The following VPS13A variants were observed in gnomAD, a reference collection of about 807,000 sequenced individuals.
VPS13A encodes vacuolar protein sorting 13 homolog A.
A neutral mutation model predicts 390.9 loss-of-function variants in VPS13A; 264 were observed. The ratio of observed to expected loss-of-function variants is 0.68; its 90% CI spans 0.61 to 0.75. The LOEUF (loss-of-function observed/expected upper bound fraction) is 0.75, where lower values mean the gene tolerates loss of function less well. Ranked by LOEUF, VPS13A falls within the 30% of genes least tolerant of loss-of-function variation. VPS13A has a pLI of 0.00. For synonymous variants in VPS13A, 1,231 were observed against 1,227.1 expected (o/e 1.00, Z -0.07); for missense variants, 3,409 against 3,733.9 (o/e 0.91, Z 2.27).
At chr9:77,257,715 A>G (rs1825526458) in intron 22 of VPS13A, among the ~76,000 whole-genome samples, 1 of 152,184 alleles carries the variant, frequency 6.6e-6, no homozygotes, top group Non-Finnish European at 1.5e-5. Context: ...ACGGTGGGTT[A>G]TGATTATGTC....
At chr9:77,316,842 C>T (rs1040050495) in intron 39 of VPS13A, among the ~76,000 whole-genome samples, 25 of 151,950 alleles carry the variant, frequency 1.6e-4, no homozygotes, top group Non-Finnish European at 2.5e-4. Context: ...TCATTTGAAC[C>T]TTCAGCCATT....
intron 31 of VPS13A, among the ~76,000 whole-genome samples, chr9:77,293,104 A>G (rs541914758): frequency 6.6e-6 from 1 of 152,198 alleles, no homozygotes; most frequent in Non-Finnish European, 1.5e-5. Context: ...CTGGAGCCAC[A>G]CCTACTACCT....
At position 77,353,506 on chromosome 9, in the gene VPS13A, G is replaced by A. The variant is rs1380192530; in HGVS notation, c.7517G>A (p.Arg2506Lys). The A allele has an allele frequency of 1.2e-6, 2 of 1,613,088 alleles. No individual in the cohort carries two copies. The highest frequency in any genetic ancestry group is 1.1e-5 in the South Asian group (1 of 91,046). Reference protein sequence around the residue: ...QRIILFTEDPRVFKVTYESEK... With the variant: ...QRIILFTEDPKVFKVTYESEK... ...ATTATTTTATTCACTGAAGATCCAA[G>A]GGTATTTAAAGTAACATATGAAAGT... is the stretch of plus-strand genomic sequence containing the variant. Residue 2506 changes from arginine to lysine, a missense_variant, in exon 54 of 72, where the codon AGG becomes AAG. Arg to Lys is a conservative substitution (Grantham distance 26). This residue lies in a region of VPS13A where 221 missense variants were observed against 300.7 expected (regional missense o/e 0.73). Transcript: ENST00000360280.
At chr9:77,344,542 G>C (rs1428814604) in intron 51 of VPS13A, among the ~76,000 whole-genome samples, 2 of 152,128 alleles carry the variant, frequency 1.3e-5, no homozygotes, top group Admixed American at 6.5e-5. Context: ...CGGATCAGGA[G>C]GTCAGGAGAT....
Position 77,220,298 on chromosome 9 carries a change from C to T in VPS13A, c.904C>T (p.Leu302Phe), listed in dbSNP as rs541051874. Residue 302 changes from leucine to phenylalanine, a missense_variant, in exon 12 of 72, where the codon CTT becomes TTT. Transcript: ENST00000360280. ...TTAGTATTTCAGTATTATGGAGCTT[C>T]TTGAATCAGTTGATATGATGGCACA... ...KPQYFSIMELLESVDMMAQNL... is the reference protein window; with the variant it reads ...KPQYFSIMELFESVDMMAQNL... 2.2e-5 allele frequency: 35 copies of T among 1,611,874 alleles called. 1 individual carries two copies. In the South Asian group the frequency reaches 2.5e-4, roughly 12 times the overall value.
At chr9:77,244,323 T>C (rs1027976989) in intron 19 of VPS13A, among the ~76,000 whole-genome samples, 1 of 149,284 alleles carries the variant, frequency 6.7e-6, no homozygotes, top group Non-Finnish European at 1.5e-5. Flanking sequence ...CTCTCTTCCC[T>C]GAGAATTGAA....
Position 77,321,303 on chromosome 9 carries a change from T to C in VPS13A, c.5550T>C (p.Leu1850=). The C allele has an allele frequency of 6.2e-7, 1 of 1,608,634 alleles. No homozygotes were observed. Among genetic ancestry groups the C allele is most frequent in the South Asian group, 1.1e-5 (1 of 90,540 alleles). The change falls in exon 43 of 72, where the codon CTT becomes CTC. Residue 1850 remains leucine (L), a synonymous_variant. Transcript: ENST00000360280. Reference sequence around the variant, plus strand: ...ACATTACATTATCCAAATGTGGTCTTGTAATGTTAAACAATTTAGTCAAGG... The same window carrying C: ...ACATTACATTATCCAAATGTGGTCTCGTAATGTTAAACAATTTAGTCAAGG... ...QLNITLSKCG[L]VMLNNLVKAF...
Position 77,368,117 on chromosome 9 carries a change from T to A in VPS13A, c.8534T>A (p.Ile2845Lys). Residue 2845 changes from isoleucine to lysine, a missense_variant, in exon 62 of 72, where the codon ATA becomes AAA. This residue lies in a region of VPS13A where 123 missense variants were observed against 118.7 expected (regional missense o/e 1.04). Coordinates refer to ENST00000360280, the MANE Select transcript of VPS13A (RefSeq NM_033305.3). ...HTTSDLQSEV[I>K]RHYSKQAIKQ... ...ACATCCGATCTACAGTCTGAAGTCA[T>A]AAGACACTATTCAAAACAGGTTTGT... 4.3e-6 allele frequency: 7 copies of A among 1,612,148 alleles called. No individual in the cohort carries two copies. The highest frequency in any genetic ancestry group is 5.9e-6 in the Non-Finnish European group (7 of 1,179,364).
In VPS13A at chr9:77,220,424, T is replaced by C. The variant is rs748425418; in HGVS notation, c.989+41T>C. 6 of 1,314,060 alleles carry C rather than the reference T, an allele frequency of 4.6e-6. No individual in the cohort carries two copies. The Admixed American group carries it at 1.1e-4, about 24-fold the overall frequency. 81.4% of individuals were successfully genotyped at this position (1,314,060 alleles called of 1,614,324 possible). On this transcript the variant is annotated intron_variant, in intron 12 of 71. Transcript: ENST00000360280. ...TTTTTTTTTTTTTAGATTTTAAAAA[T>C]ACAACATAAAAATAAATTTCTCGAC...
intron 19 of VPS13A, among the ~76,000 whole-genome samples, chr9:77,239,678 C>T (rs989266796): frequency 1.3e-5 from 2 of 151,644 alleles, no homozygotes; most frequent in African/African-American, 4.8e-5. Context: ...ATTTATGGTC[C>T]TTATTTTTTA....
chr9:77,322,232 G>GT (rs1564727996), intron 44 of VPS13A, among the ~76,000 whole-genome samples: 1 of 151,070 alleles, frequency 6.6e-6, no homozygotes, highest in African/African-American at 2.4e-5. Flanking sequence ...TGAGATGAAG[G>GT]TTTTTTCCTT....
At chr9:77,353,235 A>G (rs901375594) in intron 53 of VPS13A, among the ~76,000 whole-genome samples, 174 bp from the exon 54 acceptor site, 3 of 152,094 alleles carry the variant, frequency 2.0e-5, no homozygotes, top group African/African-American at 2.4e-5. Flanking sequence ...AATGATTTCA[A>G]TAATGTAAAT....
chr9:77,383,196 C>G (rs1934728), intron 68 of VPS13A, among the ~76,000 whole-genome samples: 29,035 of 151,862 alleles, frequency 0.19, 3,538 homozygotes, highest in Admixed American at 0.33. Flanking sequence ...ACTTCTAACT[C>G]TTTCTCTGAG....
chr9:77,294,388 C>A (rs1458779852), intron 32 of VPS13A, among the ~76,000 whole-genome samples: 1 of 151,766 alleles, frequency 6.6e-6, no homozygotes, highest in Non-Finnish European at 1.5e-5. Flanking sequence ...GATATTTTTT[C>A]CTGTGGGTGT....
intron 19 of VPS13A, among the ~76,000 whole-genome samples, chr9:77,246,922 A>G (rs936423775): frequency 2.2e-4 from 33 of 152,150 alleles, no homozygotes; most frequent in African/African-American, 7.5e-4. Context: ...ATTGAGAAGT[A>G]TCTATGTAGA....
rs144020043 is a variant in VPS13A, at chr9:77,222,396, G to A, written c.1161+1040G>A. ...TCAAAAGTAATTATGGGTATGTCAA[G>A]ATAGCTGTGATGAAAGATTTAGCTA... On this transcript the variant is annotated intron_variant, in intron 13 of 71. Coordinates refer to ENST00000360280, the MANE Select transcript of VPS13A (RefSeq NM_033305.3). 4.4e-3 allele frequency among the ~76,000 whole-genome samples: 666 copies of A among 152,298 alleles called. 3 individuals carry two copies. Among genetic ancestry groups the A allele is most frequent in the African/African-American group, 0.015 (630 of 41,556 alleles).
chr9:77,403,243 A>T lies in VPS13A; in HGVS notation c.9197A>T (p.Glu3066Val). ...CTCACTTTTTTCTTTTAGGTCATGG[A>T]AAATGGAAGATTTGCAAAATACAAA... The part of the protein sequence containing the change: ...GTGNQMLQVM[E>V]NGRFAKYKYF... Residue 3066 changes from glutamate (E) to valine (V), a missense_variant, in exon 69 of 72, where the codon GAA becomes GTA. Glu to Val is a moderately radical substitution (Grantham distance 121). This residue lies in a region of VPS13A where 318 missense variants were observed against 333.7 expected (regional missense o/e 0.95). Transcript: ENST00000360280. 1.2e-6 allele frequency: 2 copies of T among 1,611,294 alleles called. No individual in the cohort carries two copies. The highest frequency in any genetic ancestry group is 8.5e-7 in the Non-Finnish European group (1 of 1,178,804).
intron 67 of VPS13A, among the ~76,000 whole-genome samples, chr9:77,376,985 A>G (rs1168224566): frequency 6.6e-6 from 1 of 152,188 alleles, no homozygotes; most frequent in Non-Finnish European, 1.5e-5. Context: ...AATTTCTACA[A>G]AAAAGGTAGC....
At position 77,369,308 on chromosome 9, in the gene VPS13A, C is replaced by G. The variant is rs1271282423; in HGVS notation, c.8563C>G (p.Gln2855Glu). The G allele has an allele frequency of 6.2e-7, 1 of 1,608,302 alleles. No individual in the cohort carries two copies. The highest frequency in any genetic ancestry group is 8.5e-7 in the Non-Finnish European group (1 of 1,174,922). ...IRHYSKQAIK[Q>E]MYVLILGLDV... is the part of the protein sequence containing the mutation. Reference sequence around the variant, plus strand: ...CATATTTTATTTTTAGGCCATTAAGCAGATGTATGTACTCATTCTTGGACT... The same window carrying G: ...CATATTTTATTTTTAGGCCATTAAGGAGATGTATGTACTCATTCTTGGACT... Residue 2855 changes from glutamine (Q) to glutamate (E), a missense_variant, in exon 63 of 72, where the codon CAG (glutamine) becomes GAG (glutamate). Gln to Glu is a conservative substitution (Grantham distance 29). Around this residue, in one of 5 missense-constraint regions of VPS13A, gnomAD observed 30 missense variants for 63.4 expected, o/e 0.47. Transcript: ENST00000360280.
Sources: allele counts gnomAD v4.1 joint callset (sites outside exome capture counted in the v4.1 genomes callset), GRCh38; gene constraint gnomAD v4.1.1; regional missense constraint gnomAD v4.1.1; transcripts MANE v1.5; gene names NCBI Gene and HGNC (gene_info 2026-07-23, HGNC 2026-07-21).